Variants in NR0B2 observed in about 807,000 individuals in gnomAD.
NR0B2 encodes nuclear receptor SHP.
Under a neutral mutation model 18.9 loss-of-function variants are expected in NR0B2, and 17 were observed. That is an observed-to-expected ratio of 0.90 (90% CI 0.62 to 1.35). NR0B2 has a LOEUF of 1.35. Ranked by LOEUF, NR0B2 falls within the 40% of genes most tolerant of loss-of-function variation. The pLI, the probability that NR0B2 is intolerant of heterozygous loss-of-function variation, is 0.00. For synonymous variants in NR0B2, 116 were observed against 138.5 expected (o/e 0.84, Z 1.14); for missense variants, 312 against 333.3 (o/e 0.94, Z 0.50).
rs201227067 is a variant in NR0B2 at position 26,912,117 on chromosome 1, G to A, written c.533-31C>T. ...GGCAGAGAGGGAGAAGAGGGCTGGT[G>A]AGCACCCTACTCCCAGCCACCAAAG... is the stretch of plus-strand genomic sequence containing the variant. On this transcript the variant is annotated intron_variant, in intron 1 of 1. Coordinates refer to ENST00000254227, the MANE Select transcript of NR0B2 (RefSeq NM_021969.3). The A allele has an allele frequency of 3.2e-4, 515 of 1,611,558 alleles. 3 individuals carry two copies. The highest frequency in any genetic ancestry group is 2.8e-3 in the Middle Eastern group (13 of 4,644).
rs749217880 is a variant in NR0B2, at chr1:26,913,795, A to C, written c.146T>G (p.Leu49Arg). 2 of 1,538,988 alleles carry C rather than the reference A, an allele frequency of 1.3e-6. No homozygotes were observed. The highest frequency in any genetic ancestry group is 1.8e-6 in the Non-Finnish European group (2 of 1,141,838). Residue 49 changes from leucine (L) to arginine (R), a missense_variant, in exon 1 of 2, where the codon CTA becomes CGA. Physicochemically the swap from Leu to Arg is moderately radical, Grantham distance 102. Transcript: ENST00000254227. ...CLCRQHRPVQ[L>R]CAPHRTCREA... is the part of the protein sequence containing the mutation. ...CCGGCAGGTGCGATGAGGTGCACAT[A>C]GCTGGACGGGCCGGTGCTGCCTACA...
At chr1:26,912,533 T>A (rs1387453083) in intron 1 of NR0B2, among the ~76,000 whole-genome samples, 12 of 152,168 alleles carry the variant, frequency 7.9e-5, no homozygotes, top group Admixed American at 5.2e-4. Context: ...GAGTATTTGC[T>A]ACTATTATTA....
intron 1 of NR0B2, 147 bp downstream of exon 1, chr1:26,913,262 G>A: frequency 1.3e-6 from 1 of 767,782 alleles, no homozygotes; most frequent in Non-Finnish European, 2.2e-6. Flanking sequence ...ACTCCAGACT[G>A]GGTGACAGAG....
At position 26,911,531 on chromosome 1, in the gene NR0B2, G is replaced by T; in HGVS notation, c.*314C>A. On this transcript the variant is annotated 3_prime_UTR_variant, in exon 2 of 2. Coordinates refer to ENST00000254227, the MANE Select transcript of NR0B2 (RefSeq NM_021969.3). ...TTACAAAAATCAATAACTTAATTCA[G>T]TTCTGTATAAAGTCGATAGGACTTC... The T allele has an allele frequency of 2.5e-6, 1 of 396,552 alleles. No individual in the cohort carries two copies. The highest frequency in any genetic ancestry group is 2.2e-5 in the South Asian group (1 of 45,990). 24.6% of individuals were successfully genotyped at this position (396,552 alleles called of 1,614,324 possible).
At chr1:26,913,071 G>A (rs1003083219) in intron 1 of NR0B2, among the ~76,000 whole-genome samples, 4 of 152,118 alleles carry the variant, frequency 2.6e-5, no homozygotes, top group Non-Finnish European at 4.4e-5. Flanking sequence ...TCACCTGAGG[G>A]GTTAGGAGTT....
intron 1 of NR0B2, 137 bp from the exon 2 acceptor site, chr1:26,912,223 T>C: frequency 3.3e-6 from 3 of 909,240 alleles, no homozygotes; most frequent in South Asian, 1.7e-5. Flanking sequence ...CACTACTACC[T>C]CCTCCTTTAG....
Position 26,912,023 on chromosome 1 carries a change from A to G in NR0B2, c.596T>C (p.Leu199Pro), listed in dbSNP as rs2082030190. Residue 199 changes from leucine to proline, a missense_variant, in exon 2 of 2, where the codon CTG (leucine) becomes CCG (proline). Transcript: ENST00000254227. ...GHLQQEAHWV[L>P]CEVLEPWCPA... ...GCACCAGGGTTCCAGGACTTCACACAGCACCCAGTGAGCCTCCTGCTGCAG... is the reference window on the plus strand; with the variant it reads ...GCACCAGGGTTCCAGGACTTCACACGGCACCCAGTGAGCCTCCTGCTGCAG... The G allele has an allele frequency of 6.2e-7, 1 of 1,614,074 alleles. No individual in the cohort carries two copies. The highest frequency in any genetic ancestry group is 1.3e-5 in the African/African-American group (1 of 74,934).
intron 1 of NR0B2, among the ~76,000 whole-genome samples, chr1:26,912,544 C>A (rs1288570909): frequency 6.6e-6 from 1 of 152,106 alleles, no homozygotes; most frequent in Non-Finnish European, 1.5e-5. Context: ...ACTATTATTA[C>A]AATTAATTAC....
Position 26,913,886 on chromosome 1 carries a change from C to T in NR0B2, c.55G>A (p.Ala19Thr), listed in dbSNP as rs746657025. ...CPCQGAASRP[A>T]ILYALLSSSL... is the part of the protein sequence containing the mutation. ...GAGCTCAGAAGTGCGTAGAGAATGG[C>T]GGGGCGGCTTGCAGCTCCCTGGCAT... Residue 19 changes from alanine (A) to threonine (T), a missense_variant, in exon 1 of 2, where the codon GCC becomes ACC. Ala to Thr is a moderately conservative substitution (Grantham distance 58). Transcript: ENST00000254227. 15 of 1,487,148 alleles carry T rather than the reference C, an allele frequency of 1.0e-5. No homozygotes were observed. In the Admixed American group the frequency reaches 1.6e-4, roughly 16 times the overall value. The allele number at this position is 1,487,148 out of a possible 1,614,324, so 92.1% of individuals were successfully genotyped here. A position where few individuals can be genotyped will look rare whatever the true frequency, so the allele number is the denominator to read the frequency against.
In NR0B2 at chr1:26,913,975, C is replaced by T. The variant is rs779984331; in HGVS notation, c.-35G>A. The T allele has an allele frequency of 9.1e-6, 13 of 1,432,356 alleles. No individual in the cohort carries two copies. The highest frequency in any genetic ancestry group is 2.5e-5 in the Admixed American group (1 of 40,460). The allele number at this position is 1,432,356 out of a possible 1,614,324, so 88.7% of individuals were successfully genotyped here. A position where few individuals can be genotyped will look rare whatever the true frequency, so the allele number is the denominator to read the frequency against. On this transcript the variant is annotated 5_prime_UTR_variant, in exon 1 of 2. Transcript: ENST00000254227. ...TCTGCTCTCACTTCCAGCTCTCTGG[C>T]TCTGTGTTCTGCGCTGTGGGTGCTA...
Position 26,913,481 on chromosome 1 carries a change from C to G in NR0B2, c.460G>C (p.Glu154Gln). The G allele has an allele frequency of 6.2e-7, 1 of 1,614,048 alleles. No homozygotes were observed. Among genetic ancestry groups the G allele is most frequent in the South Asian group, 1.1e-5 (1 of 91,078 alleles). Residue 154 changes from glutamate (E) to glutamine (Q), a missense_variant, in exon 1 of 2, where the codon GAG becomes CAG. Transcript: ENST00000254227. Reference sequence around the variant, plus strand: ...CTAAGCTCCAGGCTCCAGAAGGACTCCAGACAGCATTGAAGCCACTGCACC... The same window carrying G: ...CTAAGCTCCAGGCTCCAGAAGGACTGCAGACAGCATTGAAGCCACTGCACC... ...AAVQWLQCCLESFWSLELSPK... is the reference protein window; with the variant it reads ...AAVQWLQCCLQSFWSLELSPK...
Position 26,913,525 on chromosome 1 carries a change from G to A in NR0B2, c.416C>T (p.Pro139Leu). ...CTGCACCGCAGCCAGGGAGGGCTGG[G>A]GTCTGTCTGGCAGTTGGCCACTGCC... Reference protein sequence around the residue: ...SGGSGQLPDRPQPSLAAVQWL... With the variant: ...SGGSGQLPDRLQPSLAAVQWL... Residue 139 changes from proline to leucine, a missense_variant, in exon 1 of 2, where the codon CCC becomes CTC. Pro to Leu is a moderately conservative substitution (Grantham distance 98). Transcript: ENST00000254227. 6.2e-7 allele frequency: 1 copy of A among 1,613,564 alleles called. No individual in the cohort carries two copies. Among genetic ancestry groups the A allele is most frequent in the Non-Finnish European group, 8.5e-7 (1 of 1,179,552 alleles).
intron 1 of NR0B2, 93 bp from the exon 2 acceptor site, chr1:26,912,179 C>G: frequency 1.3e-6 from 2 of 1,500,104 alleles, no homozygotes; most frequent in East Asian, 4.7e-5. Flanking sequence ...ATCAGAGACA[C>G]CCCTCTGCCT....
chr1:26,911,822 A>G lies in NR0B2; in HGVS notation c.*23T>C. The G allele has an allele frequency of 6.2e-7, 1 of 1,614,074 alleles. No individual in the cohort carries two copies. ...AGCACTGCCAGCCTCTGCCCACCTG[A>G]TCTCTGCCTGGGCTGGAACAGGTCA... On this transcript the variant is annotated 3_prime_UTR_variant, in exon 2 of 2. Coordinates refer to ENST00000254227, the MANE Select transcript of NR0B2 (RefSeq NM_021969.3).
Position 26,911,662 on chromosome 1 carries a change from C to G in NR0B2, c.*183G>C. ...AAAAGCCTCCCAGGCAGCTGGAACA[C>G]TGTGTCCAAACCAAGGAAGTCCAAT... On this transcript the variant is annotated 3_prime_UTR_variant, in exon 2 of 2. Coordinates refer to ENST00000254227, the MANE Select transcript of NR0B2 (RefSeq NM_021969.3). 2.8e-6 allele frequency: 2 copies of G among 705,964 alleles called. No homozygotes were observed. Among genetic ancestry groups the G allele is most frequent in the South Asian group, 3.4e-5 (2 of 58,550 alleles). 43.7% of individuals were successfully genotyped at this position (705,964 alleles called of 1,614,324 possible). A position where few individuals can be genotyped will look rare whatever the true frequency, so the allele number is the denominator to read the frequency against.
rs148569409 is a variant in NR0B2, at chr1:26,913,506, C to T, written c.435G>A (p.Ala145=). The T allele has an allele frequency of 9.4e-5, 151 of 1,613,452 alleles. No homozygotes were observed. Among genetic ancestry groups the T allele is most frequent in the East Asian group, 1.1e-4 (5 of 44,848 alleles). The change falls in exon 1 of 2, where the codon GCG becomes GCA. Residue 145 remains alanine (A), a synonymous_variant. Coordinates refer to ENST00000254227, the MANE Select transcript of NR0B2 (RefSeq NM_021969.3). The stretch of plus-strand genomic sequence containing the variant: ...CCAGACAGCATTGAAGCCACTGCAC[C>T]GCAGCCAGGGAGGGCTGGGGTCTGT... ...LPDRPQPSLA[A]VQWLQCCLES...
intron 1 of NR0B2, among the ~76,000 whole-genome samples, chr1:26,912,533 T>C (rs1387453083): frequency 6.6e-6 from 1 of 152,168 alleles, no homozygotes; most frequent in Non-Finnish European, 1.5e-5. Context: ...GAGTATTTGC[T>C]ACTATTATTA....
At position 26,913,556 on chromosome 1, in the gene NR0B2, T is replaced by C; in HGVS notation, c.385A>G (p.Ser129Gly). ...KKILLEEPSS[S>G]GGSGQLPDRP... ...TCTGGCAGTTGGCCACTGCCTCCAC[T>C]GCTGCTGGGCTCCTCCAGCAGAATC... Residue 129 changes from serine to glycine, a missense_variant, in exon 1 of 2, where the codon AGT becomes GGT. Physicochemically the swap from Ser to Gly is moderately conservative, Grantham distance 56. Transcript: ENST00000254227. 2 of 1,614,104 alleles carry C rather than the reference T, an allele frequency of 1.2e-6. No homozygotes were observed. The highest frequency in any genetic ancestry group is 1.7e-6 in the Non-Finnish European group (2 of 1,179,976).
chr1:26,913,278 C>A (rs2082039043), intron 1 of NR0B2, 131 bp downstream of exon 1: 4 of 857,674 alleles, frequency 4.7e-6, no homozygotes, highest in Middle Eastern at 3.1e-4. Context: ...CAGAGTGAGA[C>A]TCTGTCTCAG....
Sources: gnomAD v4.1 joint callset for allele counts (sites outside exome capture counted in the v4.1 genomes callset) on GRCh38, gnomAD v4.1.1 for gene constraint, MANE v1.5 for transcripts, NCBI Gene and HGNC (gene_info 2026-07-23, HGNC 2026-07-21) for gene names.